TANGO6: variants seen among roughly 807,000 people sequenced by gnomAD.
The protein encoded by TANGO6 is transport and Golgi organization protein 6 homolog.
In TANGO6, 90 loss-of-function variants were observed where a neutral mutation model predicts 114.2. The ratio of observed to expected loss-of-function variants is 0.79; its 90% CI spans 0.66 to 0.94. TANGO6 has a LOEUF of 0.94. Among genes scored for constraint, TANGO6 ranks in the 40% least tolerant of loss-of-function variants. The probability of loss-of-function intolerance (pLI) is 0.00; values close to 1 mark genes in which losing one functional copy is unlikely to be tolerated. For synonymous variants in TANGO6, 477 were observed against 509.8 expected (o/e 0.94, Z 0.87); for missense variants, 1,274 against 1,315.3 (o/e 0.97, Z 0.49).
At chr16:69,042,415 C>T (rs561740394) in intron 17 of TANGO6, among the ~76,000 whole-genome samples, 3 of 152,264 alleles carry the variant, frequency 2.0e-5, no homozygotes, top group South Asian at 4.1e-4. Context: ...GGCGTGGTGG[C>T]AGGCACCTGT....
intron 17 of TANGO6, among the ~76,000 whole-genome samples, chr16:69,056,863 G>A (rs991548673): frequency 6.6e-6 from 1 of 152,008 alleles, no homozygotes; most frequent in Non-Finnish European, 1.5e-5. Context: ...TGTATTTTTT[G>A]TAGAGACGGG....
At chr16:69,008,997 TC>T (rs1964120727) in intron 15 of TANGO6, among the ~76,000 whole-genome samples, 1 of 151,966 alleles carries the variant, frequency 6.6e-6, no homozygotes, top group Admixed American at 6.6e-5. Flanking sequence ...ATCAAGTTGT[TC>T]CAGCCTCATT....
At chr16:68,852,345 A>T (rs936713929) in intron 1 of TANGO6, among the ~76,000 whole-genome samples, 2 of 152,218 alleles carry the variant, frequency 1.3e-5, no homozygotes. Context: ...ATTATAAATC[A>T]TGCAGTATTG....
intron 15 of TANGO6, among the ~76,000 whole-genome samples, chr16:68,980,778 C>T (rs1239986552): frequency 6.6e-6 from 1 of 152,050 alleles, no homozygotes; most frequent in Non-Finnish European, 1.5e-5. Flanking sequence ...GTGGGCGGAT[C>T]ACAAGATCAG....
chr16:68,941,961 G>A (rs1300774793), intron 14 of TANGO6, among the ~76,000 whole-genome samples: 1 of 151,094 alleles, frequency 6.6e-6, no homozygotes, highest in Non-Finnish European at 1.5e-5. Flanking sequence ...CTCTTAGGGG[G>A]AAAAAAAACA....
At chr16:69,030,770 G>C (rs1039887148) in intron 16 of TANGO6, among the ~76,000 whole-genome samples, 1 of 151,952 alleles carries the variant, frequency 6.6e-6, no homozygotes, top group Non-Finnish European at 1.5e-5. Context: ...AACAGGTGAG[G>C]GCCGGGCGCG....
At chr16:68,859,750 G>A in intron 1 of TANGO6, 134 bp from the exon 2 acceptor site, 1 of 1,003,984 alleles carries the variant, frequency 1.0e-6, no homozygotes, top group Non-Finnish European at 1.4e-6. Context: ...GGTACCCCTG[G>A]GGGAGGCTTT....
In TANGO6 at chr16:69,084,482, A is replaced by G. The variant is rs1349955655; in HGVS notation, c.*821A>G. 1.3e-5 allele frequency: 2 copies of G among 152,344 alleles called. No individual in the cohort carries two copies. The highest frequency in any genetic ancestry group is 6.5e-5 in the Admixed American group (1 of 15,284). The allele number at this position is 152,344 out of a possible 1,614,324, so 9.4% of individuals were successfully genotyped here. ...CTCCTTCAGAAAGATGAATGCCTAG[A>G]CAATGGGTTCACACTGAATGCAGGC... On this transcript the variant is annotated 3_prime_UTR_variant, in exon 18 of 18. Transcript: ENST00000261778.
intron 17 of TANGO6, among the ~76,000 whole-genome samples, chr16:69,072,471 C>T (rs1020608879): frequency 3.3e-5 from 5 of 152,038 alleles, no homozygotes; most frequent in Non-Finnish European, 7.4e-5. Flanking sequence ...CTATATCCTG[C>T]CCCCGACAGA....
At chr16:69,065,968 TAG>T (rs1206360346) in intron 17 of TANGO6, among the ~76,000 whole-genome samples, 1 of 152,194 alleles carries the variant, frequency 6.6e-6, no homozygotes, top group African/African-American at 2.4e-5. Flanking sequence ...CCCATTATCT[TAG>T]AGAGGCCACT....
Position 68,927,724 on chromosome 16 carries a change from G to A in TANGO6, c.2284G>A (p.Ala762Thr). The change falls in exon 13 of 18, where the codon GCT (alanine) becomes ACT (threonine). Residue 762 changes from alanine (A) to threonine (T), a missense_variant. This residue lies in a region of TANGO6 where 908 missense variants were observed against 910.2 expected (regional missense o/e 1.00). Transcript: ENST00000261778. ...GAFATEAVSMAAQSTLNRKDL... is the reference protein window; with the variant it reads ...GAFATEAVSMTAQSTLNRKDL... ...CTTTGCCACTGAGGCCGTCAGCATG[G>A]CTGCCCAAAGTACACTGAACAGAAA... 1 of 1,613,940 alleles carries A rather than the reference G, an allele frequency of 6.2e-7. No homozygotes were observed. The highest frequency in any genetic ancestry group is 8.5e-7 in the Non-Finnish European group (1 of 1,179,882).
chr16:69,041,574 T>C (rs1346053074), intron 17 of TANGO6, among the ~76,000 whole-genome samples: 1 of 152,208 alleles, frequency 6.6e-6, no homozygotes, highest in East Asian at 1.9e-4. Flanking sequence ...GTTATCCCAT[T>C]CCTTTCCTAC....
intron 14 of TANGO6, among the ~76,000 whole-genome samples, chr16:68,960,066 T>G (rs1009860047): frequency 6.6e-6 from 1 of 152,220 alleles, no homozygotes; most frequent in Non-Finnish European, 1.5e-5. Context: ...TTCTTTTTAC[T>G]GGTAACTGTT....
At chr16:68,957,898 G>T (rs1963549624) in intron 14 of TANGO6, among the ~76,000 whole-genome samples, 1 of 152,134 alleles carries the variant, frequency 6.6e-6, no homozygotes, top group Non-Finnish European at 1.5e-5. Context: ...CAGGCCACAT[G>T]CAGTGGCTCA....
Position 68,843,629 on chromosome 16 carries a change from A to G in TANGO6, c.12A>G (p.Arg4=), listed in dbSNP as rs1039198215. 1 of 1,613,406 alleles carries G rather than the reference A, an allele frequency of 6.2e-7. No individual in the cohort carries two copies. Among genetic ancestry groups the G allele is most frequent in the East Asian group, 2.2e-5 (1 of 44,828 alleles). MAA[R]QAVGSGAQET... ...GTTACACTCCAGTCATGGCGGCCCG[A>G]CAGGCCGTGGGCAGCGGGGCTCAGG... Residue 4 remains arginine (R), a synonymous_variant, in exon 1 of 18, where the codon CGA becomes CGG. Coordinates refer to ENST00000261778, the MANE Select transcript of TANGO6 (RefSeq NM_024562.2).
At chr16:69,051,827 C>G (rs1015826528) in intron 17 of TANGO6, among the ~76,000 whole-genome samples, 3 of 152,102 alleles carry the variant, frequency 2.0e-5, no homozygotes, top group African/African-American at 7.2e-5. Context: ...GCCTGGGCAA[C>G]AGAGCGAGAC....
intron 14 of TANGO6, among the ~76,000 whole-genome samples, chr16:68,945,504 G>A (rs1963405206): frequency 6.6e-6 from 1 of 152,076 alleles, no homozygotes; most frequent in South Asian, 2.1e-4. Context: ...ACTCTTAGGT[G>A]GGTATGACAA....
chr16:69,018,251 C>G (rs965731754), intron 15 of TANGO6, among the ~76,000 whole-genome samples: 2 of 145,802 alleles, frequency 1.4e-5, no homozygotes, highest in African/African-American at 5.0e-5. Context: ...TCACGCCATT[C>G]TCCTGCCTCA....
At chr16:69,065,106 T>C (rs1160628832) in intron 17 of TANGO6, among the ~76,000 whole-genome samples, 1 of 152,230 alleles carries the variant, frequency 6.6e-6, no homozygotes. Flanking sequence ...TTGTGCTATT[T>C]CAGGGCTTGT....
Sources: allele counts gnomAD v4.1 joint callset (sites outside exome capture counted in the v4.1 genomes callset), GRCh38; gene constraint gnomAD v4.1.1; regional missense constraint gnomAD v4.1.1; transcripts MANE v1.5; gene names NCBI Gene and HGNC (gene_info 2026-07-23, HGNC 2026-07-21).